DNMT3A: variants seen among roughly 807,000 people sequenced by gnomAD.
DNMT3A encodes DNA (cytosine-5)-methyltransferase 3A.
Under a neutral mutation model 117.6 loss-of-function variants are expected in DNMT3A, and 267 were observed. That is an observed-to-expected ratio of 2.27 (90% CI 2.05 to 2.51). The LOEUF (loss-of-function observed/expected upper bound fraction) is 2.51, where lower values mean the gene tolerates loss of function less well. DNMT3A is among the 30% of genes most tolerant of loss of function. The pLI, the probability that DNMT3A is intolerant of heterozygous loss-of-function variation, is 0.00. For missense variants in DNMT3A, 1,029 were observed against 1,260.2 expected (o/e 0.82, Z 2.78); for synonymous variants, 432 against 474.8 (o/e 0.91, Z 1.17).
Position 25,236,902 on chromosome 2 carries a change from C to A in DNMT3A, c.2478+34G>T. 6.3e-7 allele frequency: 1 copy of A among 1,596,812 alleles called. No individual in the cohort carries two copies. ...CTCATCCTGCCCTTCCTTCTCCCTGCCCCCCAGCAGAGGTTCTAGACGCTG... is the reference window on the plus strand; with the variant it reads ...CTCATCCTGCCCTTCCTTCTCCCTGACCCCCAGCAGAGGTTCTAGACGCTG... On this transcript the variant is annotated intron_variant, in intron 21 of 22. Coordinates refer to ENST00000321117, the MANE Select transcript of DNMT3A (RefSeq NM_022552.5). This position sits in a 1 kb window ranked among gnomAD's most constrained non-coding sequence, Gnocchi z 4.5.
At chr2:25,315,831 CCT>C (rs2034353811) in intron 1 of DNMT3A, among the ~76,000 whole-genome samples, 1 of 152,212 alleles carries the variant, frequency 6.6e-6, no homozygotes, top group Non-Finnish European at 1.5e-5. Context: ...CCAGTGATTC[CCT>C]GTCAAGCCTC....
chr2:25,247,159 CTGGGGGGACAAGCCAGGCCT>C lies in DNMT3A; in HGVS notation c.1015-21_1015-2del. The C allele has an allele frequency of 6.2e-7, 1 of 1,613,760 alleles. No homozygotes were observed. The highest frequency in any genetic ancestry group is 8.5e-7 in the Non-Finnish European group (1 of 1,179,814). ...GCGGCATCAGCTTCTCAACACACAC[CTGGGGGGACAAGCCAGGCCT>C]TGTTTGCCGAGGCTTACACTTGCAA... On this transcript the variant is annotated splice_acceptor_variant and splice_polypyrimidine_tract_variant and intron_variant, in intron 8 of 22. Coordinates refer to ENST00000321117, the MANE Select transcript of DNMT3A (RefSeq NM_022552.5). LOFTEE classifies it high-confidence loss of function. The surrounding 1 kb of genome is among the most constrained non-coding windows in gnomAD (Gnocchi z 5.6).
At chr2:25,290,601 C>T (rs1056019286) in intron 3 of DNMT3A, among the ~76,000 whole-genome samples, 1 of 152,228 alleles carries the variant, frequency 6.6e-6, no homozygotes, top group Non-Finnish European at 1.5e-5. Context: ...AGATTACAGG[C>T]GTGAGCCACC....
chr2:25,315,993 C>T (rs553693881), intron 1 of DNMT3A, among the ~76,000 whole-genome samples: 4 of 152,364 alleles, frequency 2.6e-5, no homozygotes, highest in East Asian at 1.9e-4. Context: ...GAGGCTTCCC[C>T]GGCCCTCAGT....
chr2:25,241,819 G>T, intron 16 of DNMT3A, 112 bp from the exon 17 acceptor site: 2 of 1,394,248 alleles, frequency 1.4e-6, no homozygotes, highest in Non-Finnish European at 9.7e-7. Context: ...GTAGGCCCAA[G>T]TCCTATCTTT....
chr2:25,229,607 AG>A lies in DNMT3A; in HGVS notation c.*4671del, dbSNP rs1162537456. The A allele has an allele frequency of 6.6e-6, 1 of 152,224 alleles. No homozygotes were observed. Among genetic ancestry groups the A allele is most frequent in the Non-Finnish European group, 1.5e-5 (1 of 68,058 alleles). 9.4% of individuals were successfully genotyped at this position (152,224 alleles called of 1,614,324 possible). A position where few individuals can be genotyped will look rare whatever the true frequency, so the allele number is the denominator to read the frequency against. On this transcript the variant is annotated 3_prime_UTR_variant, in exon 23 of 23. Coordinates refer to ENST00000321117, the MANE Select transcript of DNMT3A (RefSeq NM_022552.5). ...TTGGCTCTGCCGTGCTCCCGACCAAAGGAAGCAAGCAGCCCTCTTCAGGGCA... is the reference window on the plus strand; with the variant it reads ...TTGGCTCTGCCGTGCTCCCGACCAAAGAAGCAAGCAGCCCTCTTCAGGGCA...
At chr2:25,329,525 G>C (rs887965540) in intron 1 of DNMT3A, among the ~76,000 whole-genome samples, 3 of 152,020 alleles carry the variant, frequency 2.0e-5, no homozygotes, top group Admixed American at 6.5e-5. Flanking sequence ...CTCACTCCTA[G>C]GAACGGCTGC....
chr2:25,319,654 G>A (rs533375438), intron 1 of DNMT3A, among the ~76,000 whole-genome samples: 2 of 152,304 alleles, frequency 1.3e-5, no homozygotes, highest in Admixed American at 6.5e-5. Flanking sequence ...CACGAGTGCC[G>A]TCATCACCAT....
chr2:25,255,863 A>C (rs2149334797), intron 6 of DNMT3A, among the ~76,000 whole-genome samples: 1 of 152,304 alleles, frequency 6.6e-6, no homozygotes, highest in Admixed American at 6.5e-5. Flanking sequence ...GAGACGAGAC[A>C]CTAGCCCATC....
intron 15 of DNMT3A, 52 bp downstream of exon 15, chr2:25,244,103 A>G: frequency 6.2e-7 from 1 of 1,611,710 alleles, no homozygotes; most frequent in East Asian, 2.2e-5. Context: ...AGGCCCCACA[A>G]CCAAGGCTCA....
intron 1 of DNMT3A, among the ~76,000 whole-genome samples, chr2:25,318,918 C>A (rs2034486501): frequency 6.6e-6 from 1 of 150,642 alleles, no homozygotes; most frequent in Non-Finnish European, 1.5e-5. Context: ...CCAGGATGGT[C>A]TCAATCTCCT....
intron 22 of DNMT3A, among the ~76,000 whole-genome samples, chr2:25,235,005 C>T (rs1486127851): frequency 6.6e-6 from 1 of 152,148 alleles, no homozygotes; most frequent in East Asian, 1.9e-4. Flanking sequence ...CCCCGAAAGT[C>T]CCATTTGCAT....
Position 25,293,575 on chromosome 2 carries a change from A to G in DNMT3A, c.177+6564T>C, listed in dbSNP as rs1269886816. ...ACAATTATGGCTCACTGCAGCCTCA[A>G]CCTCCCGGGGTCAAGAGATCCTCCT... is the stretch of plus-strand genomic sequence containing the variant. On this transcript the variant is annotated intron_variant, in intron 3 of 22. Transcript: ENST00000321117. The surrounding 1 kb of genome is among the most constrained non-coding windows in gnomAD (Gnocchi z 4.7). Among the ~76,000 whole-genome samples, 3 of 151,806 alleles carry G rather than the reference A, an allele frequency of 2.0e-5. No individual in the cohort carries two copies. Among genetic ancestry groups the G allele is most frequent in the African/African-American group, 7.3e-5 (3 of 41,290 alleles).
chr2:25,250,917 C>T (rs553222915), intron 6 of DNMT3A, among the ~76,000 whole-genome samples: 1 of 152,336 alleles, frequency 6.6e-6, no homozygotes, highest in East Asian at 1.9e-4. Flanking sequence ...GGAGTCGTGC[C>T]TGACACCACC....
In DNMT3A at chr2:25,265,111, T is replaced by A. The variant is rs186860948; in HGVS notation, c.639+9830A>T. 3.3e-5 allele frequency among the ~76,000 whole-genome samples: 5 copies of A among 152,288 alleles called. No homozygotes were observed. In the East Asian group the frequency reaches 9.6e-4, roughly 29 times the overall value. On this transcript the variant is annotated intron_variant, in intron 6 of 22. Coordinates refer to ENST00000321117, the MANE Select transcript of DNMT3A (RefSeq NM_022552.5). ...ATTTTCTTAATCCAGTTTCACAACA[T>A]CATCCACATGGTCATGAAAAAACAG... is the stretch of plus-strand genomic sequence containing the variant.
rs751419033 is a variant in DNMT3A, at chr2:25,245,279, C to T, written c.1528G>A (p.Val510Ile). Residue 510 changes from valine (V) to isoleucine (I), a missense_variant, in exon 13 of 23, where the codon GTT (valine) becomes ATT (isoleucine). Transcript: ENST00000321117. ...TTGCAGTTTTGGCACATTCCTCCAACGAAGAGGGGGTGTTCCAGGGTAACA... is the reference window on the plus strand; with the variant it reads ...TTGCAGTTTTGGCACATTCCTCCAATGAAGAGGGGGTGTTCCAGGGTAACA... ...LNVTLEHPLF[V>I]GGMCQNCKNC... 27 of 1,613,880 alleles carry T rather than the reference C, an allele frequency of 1.7e-5. No individual in the cohort carries two copies. The East Asian group carries it at 1.8e-4, about 11-fold the overall frequency.
chr2:25,239,684 TCAAA>T lies in DNMT3A; in HGVS notation c.2323-473_2323-470del, dbSNP rs377511906. Among the ~76,000 whole-genome samples the T allele has an allele frequency of 2.9e-4, 44 of 152,224 alleles. No homozygotes were observed. In the East Asian group the frequency reaches 3.3e-3, roughly 11 times the overall value. On this transcript the variant is annotated intron_variant, in intron 19 of 22. Transcript: ENST00000321117. ...GTTTACCATGAGCCCTGATTAGAAC[TCAAA>T]CAGACGCCTGCTCACACTTACAGTC...
chr2:25,272,358 G>T (rs957789781), intron 6 of DNMT3A, among the ~76,000 whole-genome samples: 11 of 152,176 alleles, frequency 7.2e-5, no homozygotes. Context: ...ATTTTTCCTG[G>T]GAGTTGAGGA....
At chr2:25,275,183 T>G in intron 5 of DNMT3A, 96 bp from the exon 6 acceptor site, 1 of 1,437,940 alleles carries the variant, frequency 7.0e-7, no homozygotes. Flanking sequence ...CACTGGCTCC[T>G]GGCCAGAGAG....
Sources: gnomAD v4.1 joint callset for allele counts (sites outside exome capture counted in the v4.1 genomes callset) on GRCh38, gnomAD v4.1.1 for gene constraint, Gnocchi (gnomAD v3.1) non-coding constraint, MANE v1.5 for transcripts, NCBI Gene and HGNC (gene_info 2026-07-23, HGNC 2026-07-21) for gene names.